The following JCAD variants were observed in gnomAD, a reference collection of about 807,000 sequenced individuals.
The protein encoded by JCAD is junctional cadherin 5-associated protein.
JCAD carries 40 observed loss-of-function variants against 98.0 expected under a neutral mutation model. That is an observed-to-expected ratio of 0.41 (90% confidence interval 0.32 to 0.53). The LOEUF is 0.53. Ranked by LOEUF, JCAD falls within the 20% of genes least tolerant of loss-of-function variation. The probability of loss-of-function intolerance (pLI) is 0.31; values close to 1 mark genes in which losing one functional copy is unlikely to be tolerated. For synonymous variants in JCAD, 691 were observed against 682.3 expected (o/e 1.01, Z -0.20); for missense variants, 1,705 against 1,738.1 (o/e 0.98, Z 0.34).
chr10:30,041,647 T>G (rs920891674), intron 2 of JCAD, among the ~76,000 whole-genome samples: 3 of 152,152 alleles, frequency 2.0e-5, no homozygotes, highest in Non-Finnish European at 4.4e-5. Context: ...CAACTGCCGC[T>G]GATGACAGGA....
Position 30,028,740 on chromosome 10 carries a change from G to C in JCAD, c.1408C>G (p.Pro470Ala). Reference protein sequence around the residue: ...AQEPAHGGMQPDGAIWNPQSL... With the variant: ...AQEPAHGGMQADGAIWNPQSL... ...TGTGGATTCCAAATGGCACCATCAGGCTGCATTCCTCCATGAGCCGGCTCT... is the reference window on the plus strand; with the variant it reads ...TGTGGATTCCAAATGGCACCATCAGCCTGCATTCCTCCATGAGCCGGCTCT... Residue 470 changes from proline to alanine, a missense_variant, in exon 3 of 4, where the codon CCT becomes GCT. Pro to Ala is a conservative substitution (Grantham distance 27, BLOSUM62 -1). This residue lies in a region of JCAD where 1,278 missense variants were observed against 1,243.1 expected (regional missense o/e 1.03). Transcript: ENST00000375377. 6.2e-7 allele frequency: 1 copy of C among 1,614,134 alleles called. No homozygotes were observed.
At chr10:30,089,897 A>C (rs913313348) in intron 1 of JCAD, among the ~76,000 whole-genome samples, 8 of 152,220 alleles carry the variant, frequency 5.3e-5, no homozygotes, top group African/African-American at 9.6e-5. Context: ...GTTTCAAAAT[A>C]AATTCAAAAT....
chr10:30,030,156 G>A (rs1457807575), intron 2 of JCAD, among the ~76,000 whole-genome samples: 1 of 152,162 alleles, frequency 6.6e-6, no homozygotes, highest in Non-Finnish European at 1.5e-5. Flanking sequence ...AAAATGTCTG[G>A]TGGAAGGCCG....
chr10:30,051,570 G>GA (rs201131558), intron 1 of JCAD, among the ~76,000 whole-genome samples: 14 of 150,248 alleles, frequency 9.3e-5, no homozygotes, highest in Non-Finnish European at 1.9e-4. Context: ...AATTCTTAAA[G>GA]AAAAAAAAAG....
chr10:30,088,976 T>C (rs548256574), intron 1 of JCAD, among the ~76,000 whole-genome samples: 1 of 152,222 alleles, frequency 6.6e-6, no homozygotes, highest in East Asian at 1.9e-4. Flanking sequence ...AGATGCCATC[T>C]CAAAAAATAA....
chr10:30,047,448 T>C (rs180683512), intron 2 of JCAD, 84 bp downstream of exon 2: 5 of 1,477,108 alleles, frequency 3.4e-6, no homozygotes, highest in Admixed American at 2.2e-5. Context: ...TGGCCAAATA[T>C]AGATTTGAAA....
chr10:30,024,312 A>C (rs1001894357), intron 3 of JCAD, among the ~76,000 whole-genome samples: 1 of 152,228 alleles, frequency 6.6e-6, no homozygotes, highest in African/African-American at 2.4e-5. Flanking sequence ...GGACTGAGAA[A>C]ATCATCCTGA....
At chr10:30,083,394 CAT>C in intron 1 of JCAD, among the ~76,000 whole-genome samples, 1 of 152,288 alleles carries the variant, frequency 6.6e-6, no homozygotes, top group African/African-American at 2.4e-5. Flanking sequence ...AATAGTCACT[CAT>C]GTCAGATTTT....
Position 30,029,473 on chromosome 10 carries a change from G to A in JCAD, c.675C>T (p.Asn225=), listed in dbSNP as rs774864856. ...IQGEHVLNSQ[N]KGKSRSLPRV... ...TAGGCAGTGAGCGAGACTTCCCTTT[G>A]TTTTGAGAATTCAACACATGTTCTC... Residue 225 remains asparagine (N), a synonymous_variant, in exon 3 of 4, where the codon AAC becomes AAT. Coordinates refer to ENST00000375377, the MANE Select transcript of JCAD (RefSeq NM_020848.4). 1 of 1,614,194 alleles carries A rather than the reference G, an allele frequency of 6.2e-7. No individual in the cohort carries two copies. The highest frequency in any genetic ancestry group is 1.7e-5 in the Admixed American group (1 of 60,028).
chr10:30,079,465 G>C (rs1198677641), intron 1 of JCAD, among the ~76,000 whole-genome samples: 1 of 152,114 alleles, frequency 6.6e-6, no homozygotes, highest in Non-Finnish European at 1.5e-5. Context: ...TTTTCAGATG[G>C]ACTCTTTTGA....
chr10:30,014,880 CA>C lies in JCAD; in HGVS notation c.*3002del, dbSNP rs1836503547. On this transcript the variant is annotated 3_prime_UTR_variant, in exon 4 of 4. Transcript: ENST00000375377. Reference sequence around the variant, plus strand: ...AACTCTGCTAAGGAAACCAGGATCTCAAAGAACAGATTCATGTTTTAGGGAC... The same window carrying C: ...AACTCTGCTAAGGAAACCAGGATCTCAAGAACAGATTCATGTTTTAGGGAC... 1.3e-5 allele frequency: 2 copies of C among 152,140 alleles called. No homozygotes were observed. The highest frequency in any genetic ancestry group is 4.8e-5 in the African/African-American group (2 of 41,410). 9.4% of individuals were successfully genotyped at this position (152,140 alleles called of 1,614,324 possible).
chr10:30,016,051 G>C lies in JCAD; in HGVS notation c.*1832C>G, dbSNP rs1836524753. 1 of 152,146 alleles carries C rather than the reference G, an allele frequency of 6.6e-6. No individual in the cohort carries two copies. The highest frequency in any genetic ancestry group is 1.5e-5 in the Non-Finnish European group (1 of 68,030). The allele number at this position is 152,146 out of a possible 1,614,324, so 9.4% of individuals were successfully genotyped here. ...CACTTTTCATAAGAGCTGAATTCTG[G>C]ACTGCAGATAAGTGTTTTGAAAAGG... On this transcript the variant is annotated 3_prime_UTR_variant, in exon 4 of 4. Coordinates refer to ENST00000375377, the MANE Select transcript of JCAD (RefSeq NM_020848.4).
chr10:30,028,279 A>C lies in JCAD; in HGVS notation c.1869T>G (p.Ser623Arg), dbSNP rs1836886158. The C allele has an allele frequency of 1.2e-6, 2 of 1,613,932 alleles. No homozygotes were observed. Among genetic ancestry groups the C allele is most frequent in the Non-Finnish European group, 1.7e-6 (2 of 1,179,958 alleles). Residue 623 changes from serine to arginine, a missense_variant, in exon 3 of 4, where the codon AGT becomes AGG. Ser to Arg is a moderately radical substitution (Grantham distance 110). Transcript: ENST00000375377. ...SDKSPALQEQ[S>R]LLSMSSTDLE... is the part of the protein sequence containing the mutation. The stretch of plus-strand genomic sequence containing the variant: ...GGTCGGTGGAAGACATGCTCAGCAG[A>C]CTCTGTTCTTGCAGAGCCGGGCTCT...
At chr10:30,063,298 G>A (rs1837730470), upstream of JCAD, among the ~76,000 whole-genome samples, 1 of 152,194 alleles carries the variant, frequency 6.6e-6, no homozygotes, top group South Asian at 2.1e-4. Context: ...CGCCTTTCTT[G>A]AGTCCTGGAG....
rs994608919 is a variant in JCAD at position 30,014,329 on chromosome 10, C to T, written c.*3554G>A. ...TCCCGTCTTTTAAGCTTCATCTCCC[C>T]TGCATAAATGGGTCTGGTAGAACAA... is the stretch of plus-strand genomic sequence containing the variant. On this transcript the variant is annotated 3_prime_UTR_variant, in exon 4 of 4. Coordinates refer to ENST00000375377, the MANE Select transcript of JCAD (RefSeq NM_020848.4). 4.6e-5 allele frequency: 7 copies of T among 152,178 alleles called. No homozygotes were observed. The highest frequency in any genetic ancestry group is 1.7e-4 in the African/African-American group (7 of 41,438). 9.4% of individuals were successfully genotyped at this position (152,178 alleles called of 1,614,324 possible). A position where few individuals can be genotyped will look rare whatever the true frequency, so the allele number is the denominator to read the frequency against.
At chr10:30,054,687 T>G (rs564966352) in intron 1 of JCAD, among the ~76,000 whole-genome samples, 150 of 151,968 alleles carry the variant, frequency 9.9e-4, no homozygotes, top group African/African-American at 3.5e-3. Flanking sequence ...TTTTTTTTTT[T>G]TGAGACGGAG....
intron 3 of JCAD, among the ~76,000 whole-genome samples, chr10:30,018,283 T>C (rs1424417259): frequency 7.8e-6 from 1 of 128,368 alleles, no homozygotes; most frequent in Non-Finnish European, 1.6e-5. Context: ...TTCTTCTTCT[T>C]CTTCTTCTTC....
In JCAD at chr10:30,051,392, T is replaced by C. The variant is rs137962204; in HGVS notation, c.-59-3521A>G. Among the ~76,000 whole-genome samples the C allele has an allele frequency of 4.5e-3, 689 of 152,260 alleles. 10 individuals carry two copies. The South Asian group carries it at 0.05, about 11-fold the overall frequency. Reference sequence around the variant, plus strand: ...AATGCTCAGTAATATGATTCGTTCTTGAATACACCATGCAATTGCCTTGTG... The same window carrying C: ...AATGCTCAGTAATATGATTCGTTCTCGAATACACCATGCAATTGCCTTGTG... On this transcript the variant is annotated intron_variant, in intron 1 of 3. Coordinates refer to ENST00000375377, the MANE Select transcript of JCAD (RefSeq NM_020848.4).
upstream of JCAD, among the ~76,000 whole-genome samples, chr10:30,061,170 G>A (rs184721946): frequency 4.4e-3 from 672 of 152,248 alleles, 8 homozygotes; most frequent in South Asian, 0.047. Context: ...GGTAATGATG[G>A]TTTGCATCTC....
Sources: gnomAD v4.1 joint callset for allele counts (sites outside exome capture counted in the v4.1 genomes callset) on GRCh38, gnomAD v4.1.1 for gene constraint, gnomAD v4.1.1 regional missense constraint, MANE v1.5 for transcripts, NCBI Gene and HGNC (gene_info 2026-07-23, HGNC 2026-07-21) for gene names.